The following TMEM45B variants were observed in gnomAD, a reference collection of about 807,000 sequenced individuals.
The protein encoded by TMEM45B is transmembrane protein 45B.
A neutral mutation model predicts 27.3 loss-of-function variants in TMEM45B; 29 were observed. That is an observed-to-expected ratio of 1.06 (90% CI 0.79 to 1.45). TMEM45B has a LOEUF of 1.45. Ranked by LOEUF, TMEM45B falls within the 40% of genes most tolerant of loss-of-function variation. The pLI is 0.00. For missense variants in TMEM45B, 348 were observed against 343.9 expected (o/e 1.01, Z -0.09); for synonymous variants, 143 against 134.7 (o/e 1.06, Z -0.43).
chr11:129,858,599 G>A lies in TMEM45B; in HGVS notation c.742G>A (p.Gly248Arg), dbSNP rs563776197. 49 of 1,588,044 alleles carry A rather than the reference G, an allele frequency of 3.1e-5. No individual in the cohort carries two copies. Among genetic ancestry groups the A allele is most frequent in the African/African-American group, 1.6e-4 (12 of 74,842 alleles). The change falls in exon 6 of 6, where the codon GGA becomes AGA. Residue 248 changes from glycine to arginine, a missense_variant. Gly to Arg is a moderately radical substitution (Grantham distance 125, BLOSUM62 -2). Transcript: ENST00000281441. ...CCTTTTGACTCGGATGAAGAGACAC[G>A]GAAGGGGAGAAATCATTGGAATTCA... ...YCLLTRMKRH[G>R]RGEIIGIQKL...
intron 1 of TMEM45B, among the ~76,000 whole-genome samples, chr11:129,849,951 G>A (rs540244857): frequency 2.0e-4 from 30 of 152,052 alleles, no homozygotes; most frequent in African/African-American, 4.8e-4. Context: ...TCATTTTCCC[G>A]TTCTCTTGAT....
intron 1 of TMEM45B, among the ~76,000 whole-genome samples, chr11:129,842,916 C>A (rs562090): frequency 3.3e-5 from 5 of 151,922 alleles, no homozygotes; most frequent in African/African-American, 4.8e-5. Flanking sequence ...GAGCTAAATC[C>A]AAAATATACA....
chr11:129,836,996 G>T (rs1267527744), intron 1 of TMEM45B, among the ~76,000 whole-genome samples: 1 of 152,168 alleles, frequency 6.6e-6, no homozygotes, highest in Admixed American at 6.5e-5. Context: ...GTGGCTGCCT[G>T]CTGGACACCC....
intron 1 of TMEM45B, among the ~76,000 whole-genome samples, chr11:129,816,669 A>T (rs995269668): frequency 3.3e-5 from 5 of 151,970 alleles, no homozygotes; most frequent in Non-Finnish European, 7.4e-5. Flanking sequence ...ACTTTAAGAA[A>T]TAGAAACCCT....
At chr11:129,848,038 C>T (rs1333876763) in intron 1 of TMEM45B, among the ~76,000 whole-genome samples, 1 of 149,672 alleles carries the variant, frequency 6.7e-6, no homozygotes, top group Non-Finnish European at 1.5e-5. Context: ...CCAGACTGGG[C>T]AGCCAGGCAG....
At chr11:129,819,953 A>G (rs527927196) in intron 1 of TMEM45B, among the ~76,000 whole-genome samples, 15 of 152,188 alleles carry the variant, frequency 9.9e-5, no homozygotes, top group African/African-American at 3.6e-4. Context: ...TCACATACAC[A>G]CTGTTAACGG....
chr11:129,821,045 T>A (rs1341194520), intron 1 of TMEM45B, among the ~76,000 whole-genome samples: 2 of 152,146 alleles, frequency 1.3e-5, no homozygotes, highest in African/African-American at 4.8e-5. Flanking sequence ...AAGTTCCCAG[T>A]ACGGTTATAT....
intron 2 of TMEM45B, among the ~76,000 whole-genome samples, chr11:129,853,184 A>G (rs692315): frequency 0.71 from 107,691 of 152,008 alleles, 38,224 homozygotes; most frequent in Middle Eastern, 0.79. Context: ...GTTGAAGAGG[A>G]ATTTTCCTTC....
intron 1 of TMEM45B, among the ~76,000 whole-genome samples, chr11:129,822,396 T>C (rs1439508910): frequency 2.6e-5 from 4 of 152,204 alleles, no homozygotes; most frequent in Non-Finnish European, 5.9e-5. Context: ...GGGGATGGTG[T>C]GCGTCATCTG....
At chr11:129,834,259 C>A (rs1029756625) in intron 1 of TMEM45B, among the ~76,000 whole-genome samples, 1 of 151,646 alleles carries the variant, frequency 6.6e-6, no homozygotes, top group Non-Finnish European at 1.5e-5. Flanking sequence ...GGTGAAACCC[C>A]ATCTCTACTA....
intron 1 of TMEM45B, among the ~76,000 whole-genome samples, chr11:129,851,405 G>C (rs181434817): frequency 4.0e-5 from 6 of 150,458 alleles, no homozygotes; most frequent in Admixed American, 2.0e-4. Context: ...TTAGCCAGGC[G>C]TGGTGGCGGG....
At chr11:129,825,402 G>T (rs1045327130) in intron 1 of TMEM45B, among the ~76,000 whole-genome samples, 2 of 152,200 alleles carry the variant, frequency 1.3e-5, no homozygotes, top group Non-Finnish European at 2.9e-5. Flanking sequence ...ATTTGGTGGG[G>T]AAAGAAGATG....
At chr11:129,856,854 C>T (rs1282011094) in intron 4 of TMEM45B, among the ~76,000 whole-genome samples, 5 of 131,890 alleles carry the variant, frequency 3.8e-5, no homozygotes, top group Admixed American at 1.5e-4. Context: ...CCACCGCGCC[C>T]GGCTTTTTTT....
chr11:129,847,401 G>A (rs1174416440), intron 1 of TMEM45B, among the ~76,000 whole-genome samples: 1 of 55,372 alleles, frequency 1.8e-5, no homozygotes. Context: ...AAAAGCTTAT[G>A]AAGTTATTTT....
chr11:129,850,557 T>A (rs1448887669), intron 1 of TMEM45B: 1 of 152,232 alleles, frequency 6.6e-6, no homozygotes, highest in Non-Finnish European at 1.5e-5. Flanking sequence ...TAGGTCATCA[T>A]TCTTAAGTTC....
chr11:129,821,429 C>CAA (rs1947418636), intron 1 of TMEM45B, among the ~76,000 whole-genome samples: 2 of 152,192 alleles, frequency 1.3e-5, no homozygotes, highest in Non-Finnish European at 2.9e-5. Flanking sequence ...AATACACACA[C>CAA]ACTTTTTTTT....
chr11:129,835,216 A>G (rs1292469982), intron 1 of TMEM45B, among the ~76,000 whole-genome samples: 2 of 152,238 alleles, frequency 1.3e-5, no homozygotes, highest in African/African-American at 2.4e-5. Context: ...CCATCTATCC[A>G]TTCTACAAAA....
Position 129,841,592 on chromosome 11 carries a change from G to GTTTTTTTTTTT in TMEM45B, c.-8-10877_-8-10867dup, listed in dbSNP as rs567723417. On this transcript the variant is annotated intron_variant, in intron 1 of 5. Coordinates refer to ENST00000281441, the MANE Select transcript of TMEM45B (RefSeq NM_138788.5). ...GCTTGAAGTTTTCTTTTGTTTTTTT[G>GTTTTTTTTTTT]TTTTTTTTTTTTTTTTGGAGACAAG... Among the ~76,000 whole-genome samples, 12 of 124,596 alleles carry GTTTTTTTTTTT rather than the reference G, an allele frequency of 9.6e-5. 2 individuals carry two copies. Among genetic ancestry groups the GTTTTTTTTTTT allele is most frequent in the Non-Finnish European group, 1.5e-4 (9 of 61,358 alleles). 81.7% of individuals were successfully genotyped at this position (124,596 alleles called of 152,430 possible). A position where few individuals can be genotyped will look rare whatever the true frequency, so the allele number is the denominator to read the frequency against.
At chr11:129,825,461 A>G (rs1009947991) in intron 1 of TMEM45B, among the ~76,000 whole-genome samples, 10 of 152,146 alleles carry the variant, frequency 6.6e-5, no homozygotes, top group Non-Finnish European at 1.2e-4. Flanking sequence ...AGAAACATCT[A>G]TACGTTTATG....
Sources: gnomAD v4.1 joint callset for allele counts (sites outside exome capture counted in the v4.1 genomes callset) on GRCh38, gnomAD v4.1.1 for gene constraint, MANE v1.5 for transcripts, NCBI Gene and HGNC (gene_info 2026-07-23, HGNC 2026-07-21) for gene names.